The following CRYZL1 variants were observed in gnomAD, a reference collection of about 807,000 sequenced individuals.
The protein encoded by CRYZL1 is ferry endosomal RAB5 effector complex subunit 4.
Under a neutral mutation model 50.6 loss-of-function variants are expected in CRYZL1, and 34 were observed. The ratio of observed to expected loss-of-function variants is 0.67; its 90% CI spans 0.51 to 0.89. The LOEUF (loss-of-function observed/expected upper bound fraction) is 0.89, where lower values mean the gene tolerates loss of function less well. Among genes scored for constraint, CRYZL1 ranks in the 40% least tolerant of loss-of-function variants. The probability of loss-of-function intolerance (pLI) is 0.00; values close to 1 mark genes in which losing one functional copy is unlikely to be tolerated. For synonymous variants in CRYZL1, 125 were observed against 134.3 expected, an observed-to-expected ratio of 0.93 and a Z score of 0.48; for missense variants, 354 against 402.3, an observed-to-expected ratio of 0.88 and a Z score of 1.03.
At chr21:33,616,612 A>T (rs769688247) in intron 5 of CRYZL1, 94 bp downstream of exon 5, 1 of 1,591,740 alleles carries the variant, frequency 6.3e-7, no homozygotes, top group Non-Finnish European at 8.6e-7. Flanking sequence ...TTCTATATGA[A>T]GCAAGGTCAC....
chr21:33,634,045 T>G (rs1444270621), intron 1 of CRYZL1, among the ~76,000 whole-genome samples: 1 of 152,194 alleles, frequency 6.6e-6, no homozygotes, highest in Non-Finnish European at 1.5e-5. Flanking sequence ...TTAACAGAAA[T>G]GAATACACAT....
rs1000109091 is a variant in CRYZL1 at position 33,616,758 on chromosome 21, G to T, written c.218-8C>A. 22 of 1,594,132 alleles carry T rather than the reference G, an allele frequency of 1.4e-5. No individual in the cohort carries two copies. The highest frequency in any genetic ancestry group is 1.7e-5 in the Non-Finnish European group (20 of 1,169,290). ...ATGATACCTTGCTTCCAACTAAAGA[G>T]TGAAGAAAATTAATAGTTAATATTA... On this transcript the variant is annotated splice_region_variant and splice_polypyrimidine_tract_variant and intron_variant, in intron 4 of 12. Transcript: ENST00000381554.
In CRYZL1 at chr21:33,622,169, GC is replaced by G. The variant is rs2087010995; in HGVS notation, c.145-102del. 1.0e-5 allele frequency: 9 copies of G among 895,068 alleles called. 1 individual carries two copies. In the South Asian group the frequency reaches 1.4e-4, roughly 14 times the overall value. 55.4% of individuals were successfully genotyped at this position (895,068 alleles called of 1,614,324 possible). A position where few individuals can be genotyped will look rare whatever the true frequency, so the allele number is the denominator to read the frequency against. On this transcript the variant is annotated intron_variant, in intron 3 of 12. Transcript: ENST00000381554. ...GAGTAAAAGTCAAATCACAGAAAGA[GC>G]AAATATGGTTCAAGTTTTGGAACTG...
At chr21:33,600,978 C>G (rs2145923140) in intron 8 of CRYZL1, among the ~76,000 whole-genome samples, 1 of 119,002 alleles carries the variant, frequency 8.4e-6, no homozygotes, top group East Asian at 2.8e-4. Context: ...GCTCTGTTGC[C>G]CAGGCTGGAG....
chr21:33,593,466 T>C (rs1244605756), intron 11 of CRYZL1, among the ~76,000 whole-genome samples: 1 of 152,188 alleles, frequency 6.6e-6, no homozygotes, highest in Non-Finnish European at 1.5e-5. Context: ...TCCCTGCAAG[T>C]TCCCTTCCTA....
intron 4 of CRYZL1, among the ~76,000 whole-genome samples, chr21:33,618,553 G>A (rs1397707217): frequency 2.0e-5 from 3 of 152,190 alleles, no homozygotes; most frequent in Non-Finnish European, 4.4e-5. Context: ...ATGAAGCGGT[G>A]AAGTAAGCTG....
At position 33,625,591 on chromosome 21, in the gene CRYZL1, C is replaced by T. The variant is rs1325034036; in HGVS notation, c.67-831G>A. ...CTCAACCTCCAAGGCTTAAGTGATC[C>T]TCCTGCCTCAGCCTTCTGAGTAGCT... On this transcript the variant is annotated intron_variant, in intron 2 of 12. Transcript: ENST00000381554. 9.9e-5 allele frequency among the ~76,000 whole-genome samples: 15 copies of T among 152,078 alleles called. 1 individual carries two copies. The South Asian group carries it at 2.7e-3, about 27-fold the overall frequency.
rs563296479 is a variant in CRYZL1, at chr21:33,589,746, C to T, written c.*76G>A. ...TTGTTTTATCTTCCTTGGTTTTTCT[C>T]AACAATTTCCAAAGAAAATTCTGGC... On this transcript the variant is annotated 3_prime_UTR_variant, in exon 13 of 13. Coordinates refer to ENST00000381554, the MANE Select transcript of CRYZL1 (RefSeq NM_145858.3). The T allele has an allele frequency of 1.7e-5, 17 of 979,540 alleles. 1 individual carries two copies. In the South Asian group the frequency reaches 2.4e-4, roughly 14 times the overall value. 60.7% of individuals were successfully genotyped at this position (979,540 alleles called of 1,614,324 possible).
At position 33,622,042 on chromosome 21, in the gene CRYZL1, C is replaced by G; in HGVS notation, c.171G>C (p.Lys57Asn). Residue 57 changes from lysine to asparagine, a missense_variant, in exon 4 of 13, where the codon AAG becomes AAC. Physicochemically the swap from Lys to Asn is moderately conservative, Grantham distance 94 (BLOSUM62 0). Transcript: ENST00000381554. ...TKLLAEMKMK[K>N]DLFPVGREIA... ...TTTCTCTCCCAACAGGAAATAAATC[C>G]TTTTTCATCTTCATTTCTGCCAGAA... is the stretch of plus-strand genomic sequence containing the variant. The G allele has an allele frequency of 6.2e-7, 1 of 1,612,754 alleles. No individual in the cohort carries two copies. Among genetic ancestry groups the G allele is most frequent in the Non-Finnish European group, 8.5e-7 (1 of 1,179,172 alleles).
chr21:33,594,953 A>C (rs2086679631), intron 11 of CRYZL1: 2 of 163,306 alleles, frequency 1.2e-5, no homozygotes, highest in Non-Finnish European at 2.7e-5. Flanking sequence ...GGCTATGTAA[A>C]TCTTTCTTCA....
At chr21:33,612,454 A>G (rs1218471800) in intron 6 of CRYZL1, among the ~76,000 whole-genome samples, 2 of 152,030 alleles carry the variant, frequency 1.3e-5, no homozygotes, top group East Asian at 3.9e-4. Flanking sequence ...CCCAGCTAAG[A>G]TTTTTTGTAT....
At chr21:33,616,485 T>G (rs930837091) in intron 5 of CRYZL1, 3 of 601,382 alleles carry the variant, frequency 5.0e-6, no homozygotes, top group African/African-American at 1.9e-5. Context: ...AGAGACGAGG[T>G]TTCTCCATGT....
chr21:33,624,521 C>T (rs185860766), intron 3 of CRYZL1, among the ~76,000 whole-genome samples, 162 bp downstream of exon 3: 30 of 152,244 alleles, frequency 2.0e-4, no homozygotes, highest in Non-Finnish European at 3.8e-4. Flanking sequence ...TGCACTCCAG[C>T]CTGGGCAACA....
chr21:33,611,963 A>G (rs1361501584), intron 6 of CRYZL1, among the ~76,000 whole-genome samples: 1 of 152,190 alleles, frequency 6.6e-6, no homozygotes, highest in Non-Finnish European at 1.5e-5. Flanking sequence ...CCACTTTGAT[A>G]TGTTTAGCTC....
At position 33,641,709 on chromosome 21, in the gene CRYZL1, A is replaced by G. The variant is rs2087352820; in HGVS notation, c.-35T>C. 6.1e-6 allele frequency: 1 copy of G among 163,404 alleles called. No homozygotes were observed. The highest frequency in any genetic ancestry group is 6.4e-5 in the Admixed American group (1 of 15,608). 10.1% of individuals were successfully genotyped at this position (163,404 alleles called of 1,614,324 possible). A position where few individuals can be genotyped will look rare whatever the true frequency, so the allele number is the denominator to read the frequency against. On this transcript the variant is annotated 5_prime_UTR_variant, in exon 1 of 13. Coordinates refer to ENST00000381554, the MANE Select transcript of CRYZL1 (RefSeq NM_145858.3). ...CCTCTGAGCCGCCCCAACGGCCTGC[A>G]CCTTCACCACCGCCACCTTCCAGTC... is the stretch of plus-strand genomic sequence containing the variant.
chr21:33,597,531 G>T, intron 9 of CRYZL1, 130 bp from the exon 10 acceptor site: 1 of 708,470 alleles, frequency 1.4e-6, no homozygotes, highest in Non-Finnish European at 2.3e-6. Context: ...GCCCAGGCTG[G>T]CCTGGACTCC....
chr21:33,592,834 C>T (rs2086656970), intron 11 of CRYZL1, among the ~76,000 whole-genome samples: 1 of 151,984 alleles, frequency 6.6e-6, no homozygotes, highest in Non-Finnish European at 1.5e-5. Context: ...GGTGGATCAC[C>T]TGAGGTCAAG....
intron 9 of CRYZL1, among the ~76,000 whole-genome samples, chr21:33,598,851 G>A (rs942411631): frequency 1.4e-5 from 2 of 143,552 alleles, no homozygotes; most frequent in Admixed American, 7.1e-5. Flanking sequence ...TAGTGTTACT[G>A]TATTTTATGT....
At chr21:33,605,540 T>TTTTTTTTTTTTTTTTTTTTTA (rs1569085226) in intron 6 of CRYZL1, among the ~76,000 whole-genome samples, 1 of 133,442 alleles carries the variant, frequency 7.5e-6, no homozygotes, top group Non-Finnish European at 1.6e-5. Context: ...CTTTTTTTTT[T>TTTTTTTTTTTTTTTTTTTTTA]GAGATGGAGT....
Sources: allele counts gnomAD v4.1 joint callset (sites outside exome capture counted in the v4.1 genomes callset), GRCh38; gene constraint gnomAD v4.1.1; transcripts MANE v1.5; gene names NCBI Gene and HGNC (gene_info 2026-07-23, HGNC 2026-07-21).